The following EZH2 variants were observed in gnomAD, a reference collection of about 807,000 sequenced individuals.
EZH2 encodes the protein histone-lysine N-methyltransferase EZH2.
In EZH2, 18 loss-of-function variants were observed where a neutral mutation model predicts 98.4. That is an observed-to-expected ratio of 0.18 (90% CI 0.13 to 0.27). The LOEUF (loss-of-function observed/expected upper bound fraction) is 0.27. EZH2 is among the 10% of genes least tolerant of loss of function. EZH2 has a pLI of 1.00. For synonymous variants in EZH2, 338 were observed against 312.3 expected (o/e 1.08, Z -0.87); for missense variants, 470 against 935.1 (o/e 0.50, Z 6.49).
intron 1 of EZH2, among the ~76,000 whole-genome samples, chr7:148,868,480 T>C (rs928499334): frequency 1.3e-5 from 2 of 152,172 alleles, no homozygotes; most frequent in Non-Finnish European, 2.9e-5. Context: ...GAGAACTCAC[T>C]GTCAGGAGAA....
At chr7:148,827,562 CTTGGGTCTGTTTACTCATCTGTAAAA>C (rs1373622612) in intron 6 of EZH2, among the ~76,000 whole-genome samples, 1 of 152,200 alleles carries the variant, frequency 6.6e-6, no homozygotes, top group African/African-American at 2.4e-5. Context: ...CACTTTACCT[CTTGGGTCTGTTTACTCATCTGTAAAA>C]TGAAGGAGCT....
At chr7:148,868,780 A>G (rs1428644786) in intron 1 of EZH2, among the ~76,000 whole-genome samples, 1 of 152,204 alleles carries the variant, frequency 6.6e-6, no homozygotes. Flanking sequence ...GAATAAGAGA[A>G]TATCTCATTC....
chr7:148,883,719 C>T (rs1821373169), intron 1 of EZH2, among the ~76,000 whole-genome samples: 1 of 151,870 alleles, frequency 6.6e-6, no homozygotes, highest in East Asian at 1.9e-4. Flanking sequence ...GCGGACTCGG[C>T]GGCTGGGTCC....
At chr7:148,839,541 T>C (rs1811883443) in intron 3 of EZH2, among the ~76,000 whole-genome samples, 1 of 148,600 alleles carries the variant, frequency 6.7e-6, no homozygotes, top group South Asian at 2.2e-4. Context: ...GGGGGGGCAA[T>C]CTGCAAAACA....
chr7:148,860,065 C>A (rs950951812), intron 1 of EZH2, among the ~76,000 whole-genome samples: 3 of 152,206 alleles, frequency 2.0e-5, no homozygotes, highest in African/African-American at 7.2e-5. Context: ...TAAGCTCTAA[C>A]ATTGACTATT....
chr7:148,819,725 T>TA, intron 8 of EZH2, 38 bp from the exon 9 acceptor site: 1 of 1,552,622 alleles, frequency 6.4e-7, no homozygotes, highest in Non-Finnish European at 8.9e-7. Context: ...AATATAACTA[T>TA]AAAATACTTA....
intron 14 of EZH2, 68 bp from the exon 15 acceptor site, chr7:148,814,205 C>T: frequency 6.8e-7 from 1 of 1,472,986 alleles, no homozygotes; most frequent in South Asian, 1.2e-5. Context: ...AGATACGTGG[C>T]AAGGGCTGTA....
chr7:148,878,080 A>G, intron 1 of EZH2, among the ~76,000 whole-genome samples: 1 of 152,340 alleles, frequency 6.6e-6, no homozygotes, highest in East Asian at 1.9e-4. Flanking sequence ...TAAGATATAT[A>G]GATATAGAGA....
intron 3 of EZH2, among the ~76,000 whole-genome samples, chr7:148,839,053 T>G (rs987336393): frequency 2.5e-4 from 27 of 107,814 alleles, no homozygotes; most frequent in Admixed American, 1.9e-3. Context: ...CTCTGTCAAA[T>G]AAGGAAGGAA....
At chr7:148,829,130 A>G (rs1219922304) in intron 5 of EZH2, among the ~76,000 whole-genome samples, 1 of 152,180 alleles carries the variant, frequency 6.6e-6, no homozygotes, top group African/African-American at 2.4e-5. Flanking sequence ...AGAAAACTGA[A>G]TCTTCTAGGA....
chr7:148,810,032 T>C (rs1802595876), intron 17 of EZH2, among the ~76,000 whole-genome samples: 1 of 152,246 alleles, frequency 6.6e-6, no homozygotes, highest in African/African-American at 2.4e-5. Flanking sequence ...CTGAGCTGCC[T>C]GAACACAAGA....
Position 148,828,787 on chromosome 7 carries a change from G to A in EZH2, c.578C>T (p.Pro193Leu). The change falls in exon 6 of 20, where the codon CCT becomes CTT. Residue 193 changes from proline (P) to leucine (L), a missense_variant. Pro to Leu is a moderately conservative substitution (Grantham distance 98). Around this residue, in one of 6 missense-constraint regions of EZH2, gnomAD observed 69 missense variants for 78.3 expected, o/e 0.88. Coordinates refer to ENST00000320356, the MANE Select transcript of EZH2 (RefSeq NM_004456.5). ...TTTCTGCTTTTCTTCTCTTTCTTCA[G>A]GATCGTCTCCATCATCATCATCGTC... is the stretch of plus-strand genomic sequence containing the variant. ...DDDDDDDGDD[P>L]EEREEKQKDL... 6.2e-7 allele frequency: 1 copy of A among 1,613,262 alleles called. No individual in the cohort carries two copies. The highest frequency in any genetic ancestry group is 8.5e-7 in the Non-Finnish European group (1 of 1,179,856).
intron 1 of EZH2, among the ~76,000 whole-genome samples, chr7:148,849,080 A>G (rs1481709443): frequency 1.3e-5 from 2 of 152,228 alleles, no homozygotes; most frequent in African/African-American, 4.8e-5. Flanking sequence ...AACAGTACAG[A>G]CATGTTCAGT....
chr7:148,839,682 C>T (rs1811934625), intron 3 of EZH2, among the ~76,000 whole-genome samples: 1 of 151,886 alleles, frequency 6.6e-6, no homozygotes, highest in Admixed American at 6.6e-5. Context: ...GTAGCTGGGA[C>T]TACAGGCGCA....
chr7:148,877,718 G>A (rs1820370554), intron 1 of EZH2, among the ~76,000 whole-genome samples: 1 of 152,112 alleles, frequency 6.6e-6, no homozygotes, highest in Admixed American at 6.6e-5. Flanking sequence ...TACCACTCTG[G>A]CTGAGAAAGA....
rs6954390 is a variant in EZH2, at chr7:148,812,228, G to A, written c.1852-508C>T. ...TTCCCTCTGAAGCCCATAGCAGCTT[G>A]GCTTTGGATTTGTTCTTCCACCCCA... On this transcript the variant is annotated intron_variant, in intron 15 of 19. Coordinates refer to ENST00000320356, the MANE Select transcript of EZH2 (RefSeq NM_004456.5). Among the ~76,000 whole-genome samples the A allele has an allele frequency of 1.4e-3, 220 of 152,304 alleles. 2 individuals carry two copies. Among genetic ancestry groups the A allele is most frequent in the African/African-American group, 5.1e-3 (214 of 41,566 alleles).
intron 6 of EZH2, 91 bp from the exon 7 acceptor site, chr7:148,827,357 A>G: frequency 1.1e-6 from 1 of 889,162 alleles, no homozygotes; most frequent in Non-Finnish European, 1.7e-6. Context: ...CTCTATAACA[A>G]AGCTGATTTT....
At chr7:148,878,119 G>A (rs1820436617) in intron 1 of EZH2, among the ~76,000 whole-genome samples, 2 of 152,060 alleles carry the variant, frequency 1.3e-5, no homozygotes, top group Admixed American at 6.6e-5. Context: ...GATACATATC[G>A]TGTAAAATTT....
intron 1 of EZH2, among the ~76,000 whole-genome samples, chr7:148,872,838 CCTT>C (rs1819610731): frequency 6.6e-6 from 1 of 151,616 alleles, no homozygotes. Flanking sequence ...CTTTTTGATA[CCTT>C]TTTTTTTTTA....
Sources: gnomAD v4.1 joint callset for allele counts (sites outside exome capture counted in the v4.1 genomes callset) on GRCh38, gnomAD v4.1.1 for gene constraint, gnomAD v4.1.1 regional missense constraint, MANE v1.5 for transcripts, NCBI Gene and HGNC (gene_info 2026-07-23, HGNC 2026-07-21) for gene names.